Variants in CPQ observed in about 807,000 individuals in gnomAD.
CPQ encodes the protein Ser-Met dipeptidase.
In CPQ, 37 loss-of-function variants were observed where a neutral mutation model predicts 45.7. That is an observed-to-expected ratio of 0.81 (90% confidence interval 0.62 to 1.07). The LOEUF is 1.07. CPQ is among the 50% of genes least tolerant of loss of function. The pLI, the probability that CPQ is intolerant of heterozygous loss-of-function variation, is 0.00. For missense variants in CPQ, 537 were observed against 572.9 expected, an observed-to-expected ratio of 0.94 and a Z score of 0.64; for synonymous variants, 186 against 205.8, an observed-to-expected ratio of 0.90 and a Z score of 0.82.
chr8:97,006,369 CAG>C (rs1402371954), intron 5 of CPQ, among the ~76,000 whole-genome samples: 6 of 152,074 alleles, frequency 3.9e-5, no homozygotes, highest in African/African-American at 1.4e-4. Context: ...AAAAGGGTGT[CAG>C]GGGCTTGAAT....
In CPQ at chr8:96,784,466, A is replaced by G. The variant is rs367938727; in HGVS notation, c.-34-398A>G. 2.2e-3 allele frequency among the ~76,000 whole-genome samples: 341 copies of G among 152,124 alleles called. 4 individuals are homozygous for G. Among genetic ancestry groups the G allele is most frequent in the African/African-American group, 8.0e-3 (333 of 41,462 alleles). ...GAGAAGGCCTCAATGGAGGAGTCTGACAGGCAAAGAGGAGAGAACACACCT... is the reference window on the plus strand; with the variant it reads ...GAGAAGGCCTCAATGGAGGAGTCTGGCAGGCAAAGAGGAGAGAACACACCT... On this transcript the variant is annotated intron_variant, in intron 1 of 7. Coordinates refer to ENST00000220763, the MANE Select transcript of CPQ (RefSeq NM_016134.4).
chr8:96,772,433 T>A (rs1223560046), intron 1 of CPQ, among the ~76,000 whole-genome samples: 1 of 152,068 alleles, frequency 6.6e-6, no homozygotes, highest in Admixed American at 6.6e-5. Flanking sequence ...GGTATGGATG[T>A]ATTGAGTTTG....
intron 3 of CPQ, among the ~76,000 whole-genome samples, chr8:96,865,122 A>G (rs1335581204): frequency 6.6e-6 from 1 of 152,106 alleles, no homozygotes; most frequent in Non-Finnish European, 1.5e-5. Context: ...AGATTGGAAC[A>G]TGGCCAGGGA....
intron 4 of CPQ, among the ~76,000 whole-genome samples, chr8:96,902,803 A>C (rs35203149): frequency 0.089 from 13,508 of 152,236 alleles, 830 homozygotes; most frequent in Admixed American, 0.14. Flanking sequence ...CATGAAGGAG[A>C]GTTAACTCCT....
intron 3 of CPQ, among the ~76,000 whole-genome samples, chr8:96,845,539 T>C (rs1811673780): frequency 6.6e-6 from 1 of 152,228 alleles, no homozygotes; most frequent in African/African-American, 2.4e-5. Flanking sequence ...TTGTTTTGTT[T>C]TGAGACAGGG....
intron 5 of CPQ, among the ~76,000 whole-genome samples, chr8:96,978,177 T>C (rs1004778742): frequency 6.6e-6 from 1 of 151,628 alleles, no homozygotes; most frequent in African/African-American, 2.4e-5. Context: ...CAGATACATA[T>C]TTTTTTTTCT....
chr8:97,097,284 G>A (rs779143583), intron 7 of CPQ, among the ~76,000 whole-genome samples: 17 of 152,082 alleles, frequency 1.1e-4, no homozygotes, highest in Admixed American at 3.9e-4. Flanking sequence ...GGCCAACTCC[G>A]TGACATTGCT....
intron 1 of CPQ, among the ~76,000 whole-genome samples, chr8:96,773,806 G>C (rs1449065948): frequency 2.6e-5 from 4 of 152,130 alleles, no homozygotes; most frequent in Non-Finnish European, 4.4e-5. Flanking sequence ...GCATCCTTTG[G>C]AGGGGATGAA....
chr8:96,845,469 T>C (rs978391827), intron 3 of CPQ, among the ~76,000 whole-genome samples: 2 of 152,214 alleles, frequency 1.3e-5, no homozygotes, highest in Admixed American at 6.5e-5. Context: ...TACTGTATTA[T>C]AGCTATTTTT....
chr8:96,740,398 T>G (rs370049774), intron 1 of CPQ, among the ~76,000 whole-genome samples: 1 of 152,132 alleles, frequency 6.6e-6, no homozygotes, highest in Non-Finnish European at 1.5e-5. Context: ...TACAATCATG[T>G]CATCTGCAAA....
At chr8:97,141,634 A>T (rs1423488946) in intron 7 of CPQ, among the ~76,000 whole-genome samples, 1 of 152,208 alleles carries the variant, frequency 6.6e-6, no homozygotes, top group East Asian at 1.9e-4. Context: ...TTGAACACAC[A>T]CATACTCTAT....
At chr8:96,747,158 G>A (rs565561025) in intron 1 of CPQ, among the ~76,000 whole-genome samples, 1 of 152,160 alleles carries the variant, frequency 6.6e-6, no homozygotes, top group African/African-American at 2.4e-5. Flanking sequence ...AGGCATGGTG[G>A]TGCACACCTG....
At chr8:96,952,394 C>A (rs1168508162) in intron 4 of CPQ, among the ~76,000 whole-genome samples, 3 of 152,050 alleles carry the variant, frequency 2.0e-5, no homozygotes, top group Non-Finnish European at 4.4e-5. Flanking sequence ...TAGGAGCCTG[C>A]AAAGGAATCT....
intron 3 of CPQ, among the ~76,000 whole-genome samples, chr8:96,862,810 A>G (rs1179366809): frequency 6.6e-6 from 1 of 152,090 alleles, no homozygotes; most frequent in Non-Finnish European, 1.5e-5. Flanking sequence ...TGTTCTGGCC[A>G]GAAGTATCAT....
At chr8:97,007,564 C>T (rs1205044176) in intron 5 of CPQ, among the ~76,000 whole-genome samples, 2 of 152,114 alleles carry the variant, frequency 1.3e-5, no homozygotes, top group Admixed American at 1.3e-4. Flanking sequence ...TAGAAAAATT[C>T]CTTACTTACT....
intron 2 of CPQ, among the ~76,000 whole-genome samples, chr8:96,791,754 T>C (rs540929278): frequency 7.2e-4 from 110 of 152,310 alleles, no homozygotes; most frequent in Middle Eastern, 6.8e-3. Flanking sequence ...GCAGAGCTTA[T>C]CTTCTAGCCT....
intron 1 of CPQ, among the ~76,000 whole-genome samples, chr8:96,684,854 C>T (rs944085718): frequency 1.1e-4 from 16 of 151,920 alleles, no homozygotes; most frequent in African/African-American, 3.9e-4. Flanking sequence ...TCTCCCAGCA[C>T]TTTGGGAGGC....
At chr8:96,731,060 C>T in intron 1 of CPQ, among the ~76,000 whole-genome samples, 1 of 151,836 alleles carries the variant, frequency 6.6e-6, no homozygotes. Flanking sequence ...CTTTCAAACC[C>T]TCTCATCTTC....
At chr8:97,096,054 GGAT>G (rs59275267) in intron 7 of CPQ, among the ~76,000 whole-genome samples, 99 of 151,484 alleles carry the variant, frequency 6.5e-4, no homozygotes, top group Admixed American at 1.6e-3. Flanking sequence ...GTTGTGGTGG[GGAT>G]GATGATGATG....
Sources: allele counts gnomAD v4.1 joint callset (sites outside exome capture counted in the v4.1 genomes callset), GRCh38; gene constraint gnomAD v4.1.1; transcripts MANE v1.5; gene names NCBI Gene and HGNC (gene_info 2026-07-23, HGNC 2026-07-21).